Variants in IMMP2L observed in about 807,000 individuals in gnomAD.
The protein encoded by IMMP2L is mitochondrial inner membrane protease subunit 2.
A neutral mutation model predicts 19.3 loss-of-function variants in IMMP2L; 18 were observed. The observed-to-expected ratio is 0.93, with a 90% CI of 0.64 to 1.38. IMMP2L has a LOEUF of 1.38. IMMP2L is among the 40% of genes most tolerant of loss of function. The pLI is 0.00. For synonymous variants in IMMP2L, 76 were observed against 73.0 expected, an observed-to-expected ratio of 1.04 and a Z score of -0.21; for missense variants, 233 against 218.2, an observed-to-expected ratio of 1.07 and a Z score of -0.43.
chr7:111,277,196 A>AG (rs1343719282), intron 3 of IMMP2L, among the ~76,000 whole-genome samples: 1 of 152,138 alleles, frequency 6.6e-6, no homozygotes. Context: ...AATGGGAAAA[A>AG]ATATTTGCAT....
chr7:111,189,693 A>AAATACAG (rs1381016771), intron 3 of IMMP2L, among the ~76,000 whole-genome samples: 3 of 152,118 alleles, frequency 2.0e-5, no homozygotes, highest in Non-Finnish European at 4.4e-5. Context: ...TTTAATACAG[A>AAATACAG]AAAGCTTCAG....
chr7:111,121,732 A>G (rs1198090087), intron 3 of IMMP2L, among the ~76,000 whole-genome samples: 1 of 152,220 alleles, frequency 6.6e-6, no homozygotes, highest in Non-Finnish European at 1.5e-5. Flanking sequence ...ATTACTGGGT[A>G]TATACCCAAA....
chr7:110,780,391 C>T (rs1799656225), intron 5 of IMMP2L, among the ~76,000 whole-genome samples: 1 of 151,352 alleles, frequency 6.6e-6, no homozygotes, highest in South Asian at 2.1e-4. Context: ...CACTGGCAAG[C>T]ATATTACTTG....
intron 3 of IMMP2L, among the ~76,000 whole-genome samples, chr7:111,030,341 T>C (rs553097776): frequency 5.3e-5 from 8 of 152,314 alleles, no homozygotes; most frequent in African/African-American, 1.4e-4. Context: ...CTGTTTTCCT[T>C]TCATTGAACA....
intron 4 of IMMP2L, among the ~76,000 whole-genome samples, chr7:110,906,354 C>T (rs1255824806): frequency 2.0e-5 from 3 of 152,138 alleles, no homozygotes; most frequent in African/African-American, 7.2e-5. Context: ...AGGTCACAGA[C>T]CTCAGACAAA....
chr7:111,203,987 G>A (rs1289755312), intron 3 of IMMP2L, among the ~76,000 whole-genome samples: 1 of 151,954 alleles, frequency 6.6e-6, no homozygotes, highest in South Asian at 2.1e-4. Context: ...CTGCTGAATG[G>A]ACTCACAAAT....
intron 2 of IMMP2L, among the ~76,000 whole-genome samples, chr7:111,500,840 G>C (rs1253464641): frequency 6.6e-6 from 1 of 152,072 alleles, no homozygotes; most frequent in South Asian, 2.1e-4. Context: ...CATCATCAAA[G>C]ACCAAAAGTA....
In IMMP2L at chr7:110,952,090, T is replaced by C. The variant is rs145720634; in HGVS notation, c.305+11410A>G. Among the ~76,000 whole-genome samples, 16 of 152,284 alleles carry C rather than the reference T, an allele frequency of 1.1e-4. No individual in the cohort carries two copies. The East Asian group carries it at 3.1e-3, about 29-fold the overall frequency. Reference sequence around the variant, plus strand: ...ATTTGTAAGCTTCTTACTGAGATAATTATACTTACATGTCCTTTCCAAATA... The same window carrying C: ...ATTTGTAAGCTTCTTACTGAGATAACTATACTTACATGTCCTTTCCAAATA... On this transcript the variant is annotated intron_variant, in intron 4 of 5. Transcript: ENST00000405709.
chr7:111,189,057 A>G (rs1808584931), intron 3 of IMMP2L, among the ~76,000 whole-genome samples: 1 of 152,146 alleles, frequency 6.6e-6, no homozygotes, highest in Non-Finnish European at 1.5e-5. Context: ...TCTGCCCTCA[A>G]GTGCAAACTG....
intron 5 of IMMP2L, among the ~76,000 whole-genome samples, chr7:110,812,392 A>G (rs1802106647): frequency 1.3e-5 from 2 of 152,038 alleles, no homozygotes; most frequent in Admixed American, 1.3e-4. Flanking sequence ...CAGGAGTTAG[A>G]AGGAGCCAGT....
intron 3 of IMMP2L, among the ~76,000 whole-genome samples, chr7:111,242,038 T>G (rs1401130390): frequency 6.6e-6 from 1 of 152,086 alleles, no homozygotes; most frequent in Non-Finnish European, 1.5e-5. Flanking sequence ...CTTTCTAGAT[T>G]ATGAAGAATT....
intron 3 of IMMP2L, among the ~76,000 whole-genome samples, chr7:111,485,415 C>T (rs1420392366): frequency 2.0e-5 from 3 of 151,568 alleles, no homozygotes; most frequent in Non-Finnish European, 1.5e-5. Context: ...GTGGCTAACA[C>T]GGTGAAACCC....
At chr7:111,040,705 T>A (rs1282956992) in intron 3 of IMMP2L, among the ~76,000 whole-genome samples, 1 of 141,950 alleles carries the variant, frequency 7.0e-6, no homozygotes, top group African/African-American at 2.7e-5. Flanking sequence ...TTTAAATATA[T>A]AAATCTAATA....
chr7:110,834,826 A>G (rs1380757613), intron 5 of IMMP2L, among the ~76,000 whole-genome samples: 1 of 152,206 alleles, frequency 6.6e-6, no homozygotes, highest in Non-Finnish European at 1.5e-5. Flanking sequence ...TACAGTTGGC[A>G]GTAGTGATCT....
intron 2 of IMMP2L, among the ~76,000 whole-genome samples, chr7:111,506,121 T>C (rs1276891960): frequency 6.6e-6 from 1 of 151,326 alleles, no homozygotes; most frequent in Admixed American, 6.6e-5. Flanking sequence ...TTTTAAAAAT[T>C]AGCTGTCCAG....
At chr7:110,748,968 C>T (rs1476530145) in intron 5 of IMMP2L, among the ~76,000 whole-genome samples, 1 of 152,176 alleles carries the variant, frequency 6.6e-6, no homozygotes, top group Non-Finnish European at 1.5e-5. Context: ...AGCCAACCTA[C>T]AGAATGGGAG....
intron 1 of IMMP2L, among the ~76,000 whole-genome samples, chr7:111,530,911 C>A (rs553953781): frequency 1.3e-5 from 2 of 151,238 alleles, no homozygotes; most frequent in African/African-American, 4.9e-5. Flanking sequence ...GCCAGATCAG[C>A]GAACAGGACC....
At chr7:111,392,922 C>A (rs1832509385) in intron 3 of IMMP2L, 2 of 442,630 alleles carry the variant, frequency 4.5e-6, no homozygotes, top group Admixed American at 5.0e-5. Flanking sequence ...GGGTCCCACC[C>A]ACCTGGCATG....
At chr7:111,017,059 A>T (rs1825780317) in intron 3 of IMMP2L, among the ~76,000 whole-genome samples, 1 of 142,272 alleles carries the variant, frequency 7.0e-6, no homozygotes, top group Admixed American at 7.6e-5. Context: ...TTTTTAATAT[A>T]TGTGCCTTTA....
Sources: gnomAD v4.1 joint callset for allele counts (sites outside exome capture counted in the v4.1 genomes callset) on GRCh38, gnomAD v4.1.1 for gene constraint, MANE v1.5 for transcripts, NCBI Gene and HGNC (gene_info 2026-07-23, HGNC 2026-07-21) for gene names.